The following RASGRF1 variants were observed in gnomAD, a reference collection of about 807,000 sequenced individuals.
RASGRF1 encodes the protein ras-specific guanine nucleotide-releasing factor 1.
In RASGRF1, 40 loss-of-function variants were observed where a neutral mutation model predicts 138.7. The observed-to-expected ratio is 0.29, with a 90% CI of 0.22 to 0.38. The LOEUF is 0.38. RASGRF1 is among the 10% of genes least tolerant of loss of function. The pLI, the probability that RASGRF1 is intolerant of heterozygous loss-of-function variation, is 1.00. For missense variants in RASGRF1, 1,108 were observed against 1,650.4 expected (o/e 0.67, Z 5.69); for synonymous variants, 614 against 663.2 (o/e 0.93, Z 1.14).
At chr15:79,082,108 A>C (rs571871911) in intron 1 of RASGRF1, among the ~76,000 whole-genome samples, 2 of 152,262 alleles carry the variant, frequency 1.3e-5, no homozygotes, top group Admixed American at 6.5e-5. Flanking sequence ...TCAGATTTGC[A>C]TTTTAGAAAG....
At chr15:79,022,465 C>G (rs991365439) in intron 10 of RASGRF1, among the ~76,000 whole-genome samples, 1 of 147,798 alleles carries the variant, frequency 6.8e-6, no homozygotes, top group Non-Finnish European at 1.5e-5. Flanking sequence ...AACCCCCCCC[C>G]AAAAACCCCC....
chr15:79,018,638 G>A (rs929646657), intron 11 of RASGRF1, among the ~76,000 whole-genome samples: 2 of 152,204 alleles, frequency 1.3e-5, no homozygotes, highest in African/African-American at 4.8e-5. Context: ...ATGTCCTCCT[G>A]TGCAACAGGA....
intron 1 of RASGRF1, among the ~76,000 whole-genome samples, chr15:79,064,969 C>T (rs1337359952): frequency 5.3e-5 from 8 of 152,174 alleles, no homozygotes; most frequent in Admixed American, 2.0e-4. Context: ...TAAACAGACA[C>T]GGTCCCTGTA....
Position 78,985,050 on chromosome 15 carries a change from G to T in RASGRF1, c.3371C>A (p.Ala1124Glu). ...LEITSSMNRS[A>E]IFRLKKTWLK... ...CCACGTCTTTTTGAGCCGGAAGATT[G>T]CACTGCGGTTCATGGACGAGGTGAT... The change falls in exon 23 of 27, where the codon GCA (alanine) becomes GAA (glutamate). Residue 1124 changes from alanine to glutamate, a missense_variant. This residue lies in a region of RASGRF1 where 686 missense variants were observed against 976.7 expected (regional missense o/e 0.70). Transcript: ENST00000558480. 6.2e-7 allele frequency: 1 copy of T among 1,614,164 alleles called. No individual in the cohort carries two copies. Among genetic ancestry groups the T allele is most frequent in the Non-Finnish European group, 8.5e-7 (1 of 1,180,034 alleles).
At chr15:78,981,205 C>T (rs1441050547) in intron 23 of RASGRF1, 1 of 152,214 alleles carries the variant, frequency 6.6e-6, no homozygotes, top group African/African-American at 2.4e-5. Context: ...AAGAAAAGGC[C>T]TGGCTGGAGA....
rs780248929 is a variant in RASGRF1 at position 79,090,516 on chromosome 15, G to A, written c.-18C>T. ...TTCTGCATGGTGCTCAGAGGCCAGC[G>A]AGACCCCACGCGCTTACATCTTCTC... On this transcript the variant is annotated 5_prime_UTR_variant, in exon 1 of 27. Coordinates refer to ENST00000558480, the MANE Select transcript of RASGRF1 (RefSeq NM_001145648.3). 2.1e-5 allele frequency: 33 copies of A among 1,606,268 alleles called. No homozygotes were observed. The highest frequency in any genetic ancestry group is 2.6e-5 in the Non-Finnish European group (31 of 1,177,742).
chr15:79,029,632 G>A (rs2057109617), intron 8 of RASGRF1, among the ~76,000 whole-genome samples: 3 of 152,140 alleles, frequency 2.0e-5, no homozygotes, highest in Non-Finnish European at 1.5e-5. Context: ...AAAGGTGGGA[G>A]GAAGGCCCAG....
chr15:79,024,475 T>G (rs1445073990), intron 10 of RASGRF1, among the ~76,000 whole-genome samples: 3 of 151,836 alleles, frequency 2.0e-5, no homozygotes, highest in African/African-American at 7.3e-5. Context: ...CATACATACA[T>G]ACTGATATGG....
intron 13 of RASGRF1, among the ~76,000 whole-genome samples, chr15:79,010,860 G>A (rs142747934): frequency 3.2e-4 from 49 of 152,282 alleles, no homozygotes; most frequent in African/African-American, 1.0e-3. Flanking sequence ...GACGCTGACC[G>A]CTACATCCAT....
rs777525485 is a variant in RASGRF1, at chr15:79,058,400, G to A, written c.465C>T (p.Thr155=). The change falls in exon 3 of 27, where the codon ACC becomes ACT. Residue 155 remains threonine, a synonymous_variant. Transcript: ENST00000558480. ...TCTGCTGCCGAAGCTGCTTGGCCAC[G>A]GTCTTCTCTGTCTCCACGATCTGCA... The part of the protein sequence containing the change: ...HLLQIVETEK[T]VAKQLRQQIE... The A allele has an allele frequency of 9.9e-6, 16 of 1,613,980 alleles. No homozygotes were observed. The highest frequency in any genetic ancestry group is 4.5e-5 in the East Asian group (2 of 44,880).
At chr15:78,970,401 G>C (rs550558106) in intron 26 of RASGRF1, among the ~76,000 whole-genome samples, 1 of 152,036 alleles carries the variant, frequency 6.6e-6, no homozygotes, top group Non-Finnish European at 1.5e-5. Context: ...TGCCAGACCA[G>C]CCATTCTCTT....
Position 79,006,368 on chromosome 15 carries a change from T to C in RASGRF1, c.1893A>G (p.Lys631=), listed in dbSNP as rs1352489793. Residue 631 remains lysine, a synonymous_variant, in exon 14 of 27, where the codon AAA becomes AAG. Coordinates refer to ENST00000558480, the MANE Select transcript of RASGRF1 (RefSeq NM_001145648.3). The surrounding 1 kb of genome is among the most constrained non-coding windows in gnomAD (Gnocchi z 4.0). ...IRFSKTMNSC[K]VLQIRYASVE... is the part of the protein sequence containing the mutation. ...CACTGGCGTAGCGGATCTGCAGCAC[T>C]TTGCAGGAGTTCATGGTTTTGCTGA... 1 of 1,614,052 alleles carries C rather than the reference T, an allele frequency of 6.2e-7. No homozygotes were observed. Among genetic ancestry groups the C allele is most frequent in the Non-Finnish European group, 8.5e-7 (1 of 1,180,050 alleles).
At chr15:78,998,004 T>C in intron 19 of RASGRF1, 92 bp downstream of exon 19, 6 of 1,129,572 alleles carry the variant, frequency 5.3e-6, no homozygotes. Flanking sequence ...GCTCTTCACC[T>C]CCCGGGCCTC....
At chr15:79,021,536 C>T (rs1004713379) in intron 10 of RASGRF1, among the ~76,000 whole-genome samples, 1 of 152,234 alleles carries the variant, frequency 6.6e-6, no homozygotes, top group Non-Finnish European at 1.5e-5. Flanking sequence ...AAAATTCTTA[C>T]AGTCATTTTA....
chr15:79,003,721 G>A (rs552659406), intron 15 of RASGRF1, 81 bp downstream of exon 15: 86 of 1,510,246 alleles, frequency 5.7e-5, no homozygotes, highest in Admixed American at 1.5e-4. Context: ...AGGAAGAGCA[G>A]CCCTGAGGCC....
At chr15:79,078,569 C>T (rs987136235) in intron 1 of RASGRF1, among the ~76,000 whole-genome samples, 14 of 152,182 alleles carry the variant, frequency 9.2e-5, no homozygotes, top group African/African-American at 3.4e-4. Flanking sequence ...CCATGCCCCA[C>T]TAGATCCCCC....
chr15:78,998,655 G>C (rs2056447941), intron 18 of RASGRF1, 64 bp downstream of exon 18: 1 of 1,389,020 alleles, frequency 7.2e-7, no homozygotes, highest in Non-Finnish European at 1.0e-6. Flanking sequence ...TTGGAAGGCA[G>C]CTGGTTCCTG....
chr15:79,055,073 G>A (rs758941271), intron 3 of RASGRF1, among the ~76,000 whole-genome samples: 2 of 152,170 alleles, frequency 1.3e-5, no homozygotes, highest in Non-Finnish European at 2.9e-5. Context: ...GGCTGTGGTG[G>A]GGCAGGCTCA....
chr15:78,995,940 T>A, intron 19 of RASGRF1, 140 bp from the exon 20 acceptor site: 1 of 774,656 alleles, frequency 1.3e-6, no homozygotes, highest in Non-Finnish European at 2.1e-6. Flanking sequence ...CCTTTCCCCT[T>A]CCTCCTTCAC....
Sources: allele counts gnomAD v4.1 joint callset (sites outside exome capture counted in the v4.1 genomes callset), GRCh38; gene constraint gnomAD v4.1.1; regional missense constraint gnomAD v4.1.1; non-coding constraint Gnocchi (gnomAD v3.1); transcripts MANE v1.5; gene names NCBI Gene and HGNC (gene_info 2026-07-23, HGNC 2026-07-21).